The following KIF19 variants were observed in gnomAD, a reference collection of about 807,000 sequenced individuals.
The protein encoded by KIF19 is kinesin-like protein KIF19.
A neutral mutation model predicts 106.6 loss-of-function variants in KIF19; 98 were observed. The observed-to-expected ratio is 0.92, with a 90% confidence interval of 0.78 to 1.09. The LOEUF is 1.09. Ranked by LOEUF, KIF19 falls within the 50% of genes least tolerant of loss-of-function variation. The pLI, the probability that KIF19 is intolerant of heterozygous loss-of-function variation, is 0.00. For missense variants in KIF19, 1,373 were observed against 1,414.3 expected, an observed-to-expected ratio of 0.97 and a Z score of 0.47; for synonymous variants, 516 against 584.2, an observed-to-expected ratio of 0.88 and a Z score of 1.68.
chr17:74,347,898 G>T lies in KIF19; in HGVS notation c.1046G>T (p.Arg349Met). Residue 349 changes from arginine (R) to methionine (M), a missense_variant and splice_region_variant, in exon 9 of 20, where the codon AGG (arginine) becomes ATG (methionine). By Grantham distance (91) the Arg-to-Met change is moderately conservative. This residue lies in a region of KIF19 where 1,020 missense variants were observed against 1,008.2 expected (regional missense o/e 1.01). Transcript: ENST00000389916. The stretch of plus-strand genomic sequence containing the variant: ...GGCCGGGCCAAGAACATTAAGACTA[G>T]GGTGAGGGCCCCTGGACCGTCCACC... ...YAGRAKNIKT[R>M]VKQNLLNVSY... 6.3e-7 allele frequency: 1 copy of T among 1,579,700 alleles called. No individual in the cohort carries two copies. The highest frequency in any genetic ancestry group is 2.3e-5 in the East Asian group (1 of 42,948).
At position 74,326,303 on chromosome 17, in the gene KIF19, G is replaced by C. The variant is rs537108789; in HGVS notation, c.-47G>C. 5 of 1,582,830 alleles carry C rather than the reference G, an allele frequency of 3.2e-6. No homozygotes were observed. In the African/African-American group the frequency reaches 6.9e-5, roughly 22 times the overall value. Reference sequence around the variant, plus strand: ...ACCCGGAGGCGGTGGGGGTGCGGCTGAGCCATGCCCGGTGGCGCGGCCTGA... The same window carrying C: ...ACCCGGAGGCGGTGGGGGTGCGGCTCAGCCATGCCCGGTGGCGCGGCCTGA... On this transcript the variant is annotated 5_prime_UTR_variant, in exon 1 of 20. Coordinates refer to ENST00000389916, the MANE Select transcript of KIF19 (RefSeq NM_153209.4).
chr17:74,354,353 A>C lies in KIF19; in HGVS notation c.2500A>C (p.Ser834Arg). Reference protein sequence around the residue: ...PGPLACKRPPSPTLQHAASED... With the variant: ...PGPLACKRPPRPTLQHAASED... ...CCCACTGGCCTGCAAGCGGCCGCCCAGCCCCACACTACAGCATGCTGCCAG... is the reference window on the plus strand; with the variant it reads ...CCCACTGGCCTGCAAGCGGCCGCCCCGCCCCACACTACAGCATGCTGCCAG... Residue 834 changes from serine (S) to arginine (R), a missense_variant, in exon 18 of 20, where the codon AGC becomes CGC. Around this residue, in one of 3 missense-constraint regions of KIF19, gnomAD observed 1,020 missense variants for 1,008.2 expected, o/e 1.01. Transcript: ENST00000389916. The C allele has an allele frequency of 6.2e-7, 1 of 1,606,414 alleles. No individual in the cohort carries two copies. Among genetic ancestry groups the C allele is most frequent in the Non-Finnish European group, 8.5e-7 (1 of 1,177,108 alleles).
chr17:74,335,213 G>A (rs777403090), intron 2 of KIF19, among the ~76,000 whole-genome samples: 8 of 152,244 alleles, frequency 5.3e-5, no homozygotes, highest in East Asian at 1.9e-4. Flanking sequence ...AGTGGGTAGC[G>A]GCCAGGGATA....
At chr17:74,353,133 G>GGGGGTGGGA in intron 15 of KIF19, 63 bp from the exon 16 acceptor site, 2 of 1,455,434 alleles carry the variant, frequency 1.4e-6, no homozygotes, top group Non-Finnish European at 1.9e-6. Context: ...CCCCTGGGGT[G>GGGGGTGGGA]GGGGTGGGAC....
At chr17:74,336,564 A>C (rs1358551532) in intron 2 of KIF19, among the ~76,000 whole-genome samples, 6 of 152,118 alleles carry the variant, frequency 3.9e-5, no homozygotes, top group African/African-American at 2.4e-5. Context: ...ATTCTAAGGC[A>C]CTAGGCATTA....
In KIF19 at chr17:74,340,001, C is replaced by T. The variant is rs144790415; in HGVS notation, c.121-1875C>T. On this transcript the variant is annotated intron_variant, in intron 2 of 19. Transcript: ENST00000389916. ...CTCCACCCCTGCCCTCTTAACAGCC[C>T]GTTGAACAAAGACTGTTGAGCTCTT... Among the ~76,000 whole-genome samples the T allele has an allele frequency of 3.0e-3, 461 of 152,272 alleles. 4 individuals carry two copies. Among genetic ancestry groups the T allele is most frequent in the African/African-American group, 0.01 (424 of 41,546 alleles).
intron 9 of KIF19, chr17:74,348,522 A>G (rs988381418): frequency 1.2e-5 from 2 of 160,930 alleles, no homozygotes; most frequent in Non-Finnish European, 2.8e-5. Flanking sequence ...GGATTCATGT[A>G]TGATAGCATG....
intron 2 of KIF19, among the ~76,000 whole-genome samples, chr17:74,336,505 T>C (rs1337232600): frequency 6.6e-6 from 1 of 152,246 alleles, no homozygotes; most frequent in Admixed American, 6.5e-5. Context: ...GACCTCATCC[T>C]TCCTCAACTG....
intron 14 of KIF19, 70 bp from the exon 15 acceptor site, chr17:74,352,751 T>C: frequency 1.3e-6 from 2 of 1,587,328 alleles, no homozygotes; most frequent in Non-Finnish European, 1.7e-6. Flanking sequence ...CTGTAAGCCT[T>C]TGTGACTCTG....
intron 2 of KIF19, among the ~76,000 whole-genome samples, chr17:74,329,958 C>G (rs957381121): frequency 6.6e-6 from 1 of 152,228 alleles, no homozygotes; most frequent in Non-Finnish European, 1.5e-5. Flanking sequence ...AAACCAGAGG[C>G]AGATGGCACA....
At position 74,346,339 on chromosome 17, in the gene KIF19, C is replaced by T. The variant is rs1240271278; in HGVS notation, c.778-39C>T. On this transcript the variant is annotated intron_variant, in intron 7 of 19. Coordinates refer to ENST00000389916, the MANE Select transcript of KIF19 (RefSeq NM_153209.4). This position sits in a 1 kb window ranked among gnomAD's most constrained non-coding sequence, Gnocchi z 4.6. ...GCTGGGGAGAAACCCAGTCCCCTGCCTCATCAGGCCACACGTGTGCCCTTT... is the reference window on the plus strand; with the variant it reads ...GCTGGGGAGAAACCCAGTCCCCTGCTTCATCAGGCCACACGTGTGCCCTTT... 6.5e-7 allele frequency: 1 copy of T among 1,545,706 alleles called. No homozygotes were observed. The highest frequency in any genetic ancestry group is 8.8e-7 in the Non-Finnish European group (1 of 1,141,874).
chr17:74,326,649 T>G (rs2053918543), intron 1 of KIF19, among the ~76,000 whole-genome samples: 1 of 151,730 alleles, frequency 6.6e-6, no homozygotes, highest in South Asian at 2.1e-4. Context: ...CATTGGGAGA[T>G]CCCGCCCCCA....
chr17:74,336,459 G>A lies in KIF19; in HGVS notation c.121-5417G>A, dbSNP rs144343127. 4.9e-3 allele frequency among the ~76,000 whole-genome samples: 743 copies of A among 152,220 alleles called. 3 individuals carry two copies. Among genetic ancestry groups the A allele is most frequent in the Non-Finnish European group, 8.7e-3 (595 of 68,014 alleles). On this transcript the variant is annotated intron_variant, in intron 2 of 19. Coordinates refer to ENST00000389916, the MANE Select transcript of KIF19 (RefSeq NM_153209.4). ...ATTTCCCCTTTTCATAACGACACTC[G>A]TCATAGTGGATAAAGGGCTCCCCCT...
Position 74,352,296 on chromosome 17 carries a change from G to A in KIF19, c.1936G>A (p.Glu646Lys), listed in dbSNP as rs1377460311. ...YLRELEEGSL[E>K]QATIMDQVAS... ...GCGGGAGCTGGAGGAGGGCAGCCTG[G>A]AGCAGGCCACCATCATGGACCAAGT... Residue 646 changes from glutamate (E) to lysine (K), a missense_variant, in exon 14 of 20, where the codon GAG becomes AAG. Coordinates refer to ENST00000389916, the MANE Select transcript of KIF19 (RefSeq NM_153209.4). 2 of 1,612,218 alleles carry A rather than the reference G, an allele frequency of 1.2e-6. No individual in the cohort carries two copies. The highest frequency in any genetic ancestry group is 1.7e-6 in the Non-Finnish European group (2 of 1,179,538).
rs184071429 is a variant in KIF19 at position 74,350,852 on chromosome 17, C to T, written c.1534C>T (p.Arg512Trp). The T allele has an allele frequency of 1.9e-4, 302 of 1,614,002 alleles. 1 individual carries two copies. In the Admixed American group the frequency reaches 1.9e-3, roughly 10 times the overall value. Residue 512 changes from arginine (R) to tryptophan (W), a missense_variant, in exon 12 of 20, where the codon CGG becomes TGG. By Grantham distance (101) the Arg-to-Trp change is moderately radical (BLOSUM62 -3). Coordinates refer to ENST00000389916, the MANE Select transcript of KIF19 (RefSeq NM_153209.4). ...ILEPPEVAAA[R>W]ESIAALVDEQ... The stretch of plus-strand genomic sequence containing the variant: ...GGAGCCACCCGAGGTGGCCGCAGCC[C>T]GGGAGAGCATTGCAGCCCTGGTGGA...
intron 2 of KIF19, among the ~76,000 whole-genome samples, chr17:74,334,666 T>C (rs1389099669): frequency 6.6e-6 from 1 of 152,184 alleles, no homozygotes; most frequent in African/African-American, 2.4e-5. Context: ...GGATCAACGT[T>C]GCCTTTATTG....
chr17:74,332,082 C>T (rs935494645), intron 2 of KIF19, among the ~76,000 whole-genome samples: 11 of 152,034 alleles, frequency 7.2e-5, no homozygotes, highest in African/African-American at 2.7e-4. Flanking sequence ...TATGGGATGG[C>T]TTCGGGTCCC....
chr17:74,328,601 G>A (rs1361089109), intron 2 of KIF19, 96 bp downstream of exon 2: 4 of 966,272 alleles, frequency 4.1e-6, no homozygotes, highest in Non-Finnish European at 6.3e-6. Flanking sequence ...GTGGCTTGCA[G>A]CACCCTCCTT....
In KIF19 at chr17:74,354,851, G is replaced by A. The variant is rs745673175; in HGVS notation, c.2776G>A (p.Val926Met). Residue 926 changes from valine to methionine, a missense_variant, in exon 19 of 20, where the codon GTG becomes ATG. By Grantham distance (21) the Val-to-Met change is conservative. This residue lies in a region of KIF19 where 1,020 missense variants were observed against 1,008.2 expected (regional missense o/e 1.01). Coordinates refer to ENST00000389916, the MANE Select transcript of KIF19 (RefSeq NM_153209.4). ...AERISDHRMPVCRHPAPGIRH... is the reference protein window; with the variant it reads ...AERISDHRMPMCRHPAPGIRH... ...GCGCATCTCGGACCACAGGATGCCA[G>A]TGTGCAGGCACCCAGCCCCTGGTAT... The A allele has an allele frequency of 9.6e-6, 15 of 1,563,056 alleles. No individual in the cohort carries two copies. Among genetic ancestry groups the A allele is most frequent in the Middle Eastern group, 1.7e-4 (1 of 6,026 alleles).
Sources: gnomAD v4.1 joint callset for allele counts (sites outside exome capture counted in the v4.1 genomes callset) on GRCh38, gnomAD v4.1.1 for gene constraint, gnomAD v4.1.1 regional missense constraint, Gnocchi (gnomAD v3.1) non-coding constraint, MANE v1.5 for transcripts, NCBI Gene and HGNC (gene_info 2026-07-23, HGNC 2026-07-21) for gene names.